The following SMC1A variants were observed in gnomAD, a reference collection of about 807,000 sequenced individuals.
SMC1A encodes structural maintenance of chromosomes 1A.
A neutral mutation model predicts 94.5 loss-of-function variants in SMC1A; 4 were observed. The ratio of observed to expected loss-of-function variants is 0.04; its 90% CI spans 0.02 to 0.10. SMC1A has a LOEUF of 0.10. Among genes scored for constraint, SMC1A ranks in the 10% least tolerant of loss-of-function variants. The pLI, the probability that SMC1A is intolerant of heterozygous loss-of-function variation, is 1.00. For missense variants in SMC1A, 304 were observed against 989.0 expected (o/e 0.31, Z 9.29); for synonymous variants, 345 against 347.7 (o/e 0.99, Z 0.09).
intron 1 of SMC1A, among the ~76,000 whole-genome samples, chrX:53,416,680 A>G (rs1208205324): frequency 1.8e-5 from 2 of 110,498 alleles, no homozygotes; most frequent in African/African-American, 3.3e-5. Flanking sequence ...ATGAGCCACC[A>G]CGCCTGGCCT....
intron 9 of SMC1A, among the ~76,000 whole-genome samples, chrX:53,408,413 T>C (rs1345113906): frequency 9.0e-6 from 1 of 111,666 alleles, no homozygotes; most frequent in Admixed American, 9.5e-5. Context: ...CCCTAAGAAC[T>C]ATCAGATTAA....
At chrX:53,390,916 C>T (rs1556887138) in intron 19 of SMC1A, among the ~76,000 whole-genome samples, 1 of 94,985 alleles carries the variant, frequency 1.1e-5, no homozygotes, top group Non-Finnish European at 2.1e-5. Context: ...GACGTGAACC[C>T]GGGAGGCAGA....
At chrX:53,422,441 T>C in intron 1 of SMC1A, 51 bp downstream of exon 1, 1 of 861,135 alleles carries the variant, frequency 1.2e-6, no homozygotes, top group Non-Finnish European at 1.7e-6. Context: ...CGGCACCGGA[T>C]AAGGGGTCCA....
At chrX:53,383,589 G>C (rs1224340197) in intron 19 of SMC1A, among the ~76,000 whole-genome samples, 1 of 112,522 alleles carries the variant, frequency 8.9e-6, no homozygotes. Context: ...TACCAACCCA[G>C]GGTGACCTGG....
At chrX:53,419,191 C>T (rs1308178141) in intron 1 of SMC1A, among the ~76,000 whole-genome samples, 1 of 109,840 alleles carries the variant, frequency 9.1e-6, no homozygotes, top group African/African-American at 3.3e-5. Flanking sequence ...TTCTACTCAG[C>T]CATAAAAACA....
chrX:53,422,285 A>C (rs1429974318), intron 1 of SMC1A, among the ~76,000 whole-genome samples: 1 of 112,116 alleles, frequency 8.9e-6, no homozygotes, highest in Non-Finnish European at 1.9e-5. Flanking sequence ...GGGGCCGCGC[A>C]GGAAGCGGCA....
chrX:53,416,944 CCTT>C (rs1298910297), intron 1 of SMC1A, among the ~76,000 whole-genome samples: 1 of 109,700 alleles, frequency 9.1e-6, no homozygotes, highest in African/African-American at 3.3e-5. Flanking sequence ...CTATTTTTTT[CCTT>C]TTTTTAATTT....
chrX:53,381,011 C>T lies in SMC1A; in HGVS notation c.3507+7G>A. On this transcript the variant is annotated splice_region_variant and intron_variant, in intron 23 of 24. Transcript: ENST00000322213. ...TCCCTCCCAGGCCCCACTTTCTTTGCACCCACCTTGCCAATGTTGGTGTTA... is the reference window on the plus strand; with the variant it reads ...TCCCTCCCAGGCCCCACTTTCTTTGTACCCACCTTGCCAATGTTGGTGTTA... The T allele has an allele frequency of 8.3e-7, 1 of 1,204,023 alleles. No individual in the cohort carries two copies.
chrX:53,415,633 C>A (rs2075728829), intron 1 of SMC1A, among the ~76,000 whole-genome samples: 1 of 105,061 alleles, frequency 9.5e-6, no homozygotes, highest in South Asian at 4.4e-4. Context: ...TGCCACTGCA[C>A]TCTAGCCTGG....
intron 19 of SMC1A, among the ~76,000 whole-genome samples, chrX:53,387,680 GGGA>G (rs1556886607): frequency 9.0e-6 from 1 of 111,202 alleles, no homozygotes; most frequent in Non-Finnish European, 1.9e-5. Context: ...GTGGAAAATG[GGGA>G]GGATGAATCT....
At chrX:53,399,443 C>A in intron 16 of SMC1A, 146 bp downstream of exon 16, 1 of 528,205 alleles carries the variant, frequency 1.9e-6, no homozygotes, top group Non-Finnish European at 3.2e-6. Flanking sequence ...GACATTTATC[C>A]ATTTTTCCCG....
intron 15 of SMC1A, among the ~76,000 whole-genome samples, chrX:53,401,535 C>G (rs1421937630): frequency 9.0e-6 from 1 of 111,418 alleles, no homozygotes; most frequent in Non-Finnish European, 1.9e-5. Flanking sequence ...GCTGTGAACT[C>G]CCACACAGTA....
Position 53,388,936 on chromosome X carries a change from G to T in SMC1A, c.2974-5683C>A, listed in dbSNP as rs113712762. 3.2e-3 allele frequency among the ~76,000 whole-genome samples: 328 copies of T among 101,826 alleles called. 1 individual carries two copies. The highest frequency in any genetic ancestry group is 0.011 in the African/African-American group (314 of 27,565). The allele number at this position is 101,826 out of a possible 115,157, so 88.4% of individuals were successfully genotyped here. ...GGCATGAACCTGGGGGGCGGAGGTT[G>T]CAGTGAGCCAAGATCGCGCCACTGC... On this transcript the variant is annotated intron_variant, in intron 19 of 24. Coordinates refer to ENST00000322213, the MANE Select transcript of SMC1A (RefSeq NM_006306.4).
intron 11 of SMC1A, 22 bp downstream of exon 11, chrX:53,405,471 G>A (rs782465392): frequency 8.3e-7 from 1 of 1,211,696 alleles, no homozygotes; most frequent in Admixed American, 2.2e-5. Context: ...TCCAGCTCCA[G>A]CCTGGGCAAG....
Position 53,414,833 on chromosome X carries a change from G to C in SMC1A, c.336C>G (p.Val112=). 3 of 1,208,618 alleles carry C rather than the reference G, an allele frequency of 2.5e-6. No individual in the cohort carries two copies. The highest frequency in any genetic ancestry group is 3.4e-6 in the Non-Finnish European group (3 of 892,723). The change falls in exon 3 of 25, where the codon GTC becomes GTG. Residue 112 remains valine (V), a synonymous_variant. Coordinates refer to ENST00000322213, the MANE Select transcript of SMC1A (RefSeq NM_006306.4). ...ATTCCTCACTGTACTCATGTAGTTGGACCACTTTGTTGTTGATCTTGTACT... is the reference window on the plus strand; with the variant it reads ...ATTCCTCACTGTACTCATGTAGTTGCACCACTTTGTTGTTGATCTTGTACT... The part of the protein sequence containing the change: ...SSEYKINNKV[V]QLHEYSEELE...
intron 19 of SMC1A, among the ~76,000 whole-genome samples, chrX:53,389,842 C>CTTTTTTTTTTTTTTT (rs1193457348): frequency 1.8e-5 from 1 of 55,092 alleles, no homozygotes; most frequent in African/African-American, 7.3e-5. Context: ...TCCAGAATTT[C>CTTTTTTTTTTTTTTT]TTTTTTTTTT....
At position 53,381,535 on chromosome X, in the gene SMC1A, C is replaced by T. The variant is rs189981791; in HGVS notation, c.3438-448G>A. ...CTACTCATCCTTTACATCTCCTGCTCAAGTGGCACCTGTCATTAAAAGTCT... is the reference window on the plus strand; with the variant it reads ...CTACTCATCCTTTACATCTCCTGCTTAAGTGGCACCTGTCATTAAAAGTCT... On this transcript the variant is annotated intron_variant, in intron 22 of 24. Coordinates refer to ENST00000322213, the MANE Select transcript of SMC1A (RefSeq NM_006306.4). The T allele has an allele frequency of 2.0e-4, 27 of 133,646 alleles. 1 individual carries two copies. Among genetic ancestry groups the T allele is most frequent in the Admixed American group, 1.9e-3 (24 of 12,942 alleles). 11.0% of individuals were successfully genotyped at this position (133,646 alleles called of 1,213,427 possible).
chrX:53,380,265 C>T (rs1174205090), intron 24 of SMC1A, 79 bp from the exon 25 acceptor site: 1 of 704,051 alleles, frequency 1.4e-6, no homozygotes, highest in Non-Finnish European at 2.2e-6. Flanking sequence ...GGACCAGGGG[C>T]CTCAAACCCT....
At chrX:53,402,959 G>GGAGATCAA (rs1444070220) in intron 15 of SMC1A, among the ~76,000 whole-genome samples, 1 of 100,079 alleles carries the variant, frequency 1.0e-5, no homozygotes, top group Non-Finnish European at 2.0e-5. Flanking sequence ...CTTGAGCCCA[G>GGAGATCAA]GAGATCAAGA....
Sources: allele counts gnomAD v4.1 joint callset (sites outside exome capture counted in the v4.1 genomes callset), GRCh38; gene constraint gnomAD v4.1.1; transcripts MANE v1.5; gene names NCBI Gene and HGNC (gene_info 2026-07-23, HGNC 2026-07-21).